Variants in ZNF420 observed in about 807,000 individuals in gnomAD.
The protein encoded by ZNF420 is zinc finger protein 420, also known as ATM and p53-associated KZNF protein.
Under a neutral mutation model 44.7 loss-of-function variants are expected in ZNF420, and 31 were observed. The ratio of observed to expected loss-of-function variants is 0.69; its 90% confidence interval spans 0.52 to 0.94. The LOEUF (loss-of-function observed/expected upper bound fraction) is 0.94, where lower values mean the gene tolerates loss of function less well. ZNF420 is among the 40% of genes least tolerant of loss of function. The pLI is 0.00. For synonymous variants in ZNF420, 245 were observed against 267.4 expected, an observed-to-expected ratio of 0.92 and a Z score of 0.82; for missense variants, 681 against 827.9, an observed-to-expected ratio of 0.82 and a Z score of 2.18.
intron 1 of ZNF420, among the ~76,000 whole-genome samples, chr19:37,065,834 C>T (rs1967959027): frequency 6.6e-6 from 1 of 152,232 alleles, no homozygotes; most frequent in Non-Finnish European, 1.5e-5. Context: ...AAGACCTCCA[C>T]TGTTGAAAAT....
In ZNF420 at chr19:37,129,011, A is replaced by G. The variant is rs367869207; in HGVS notation, c.2020A>G (p.Lys674Glu). ...TATCAGTGAGAAATCTTTTGAATAT[A>G]AGGAATGTGGGATTGACTTTAGTCA... ...IHISEKSFEY[K>E]ECGIDFSHGS... The change falls in exon 5 of 5, where the codon AAG (lysine) becomes GAG (glutamate). Residue 674 changes from lysine to glutamate, a missense_variant. Physicochemically the swap from Lys to Glu is moderately conservative, Grantham distance 56. Around this residue, in one of 3 missense-constraint regions of ZNF420, gnomAD observed 280 missense variants for 338.6 expected, o/e 0.83. Coordinates refer to ENST00000337995, the MANE Select transcript of ZNF420 (RefSeq NM_144689.5). 9.9e-6 allele frequency: 16 copies of G among 1,613,730 alleles called. No individual in the cohort carries two copies. In the African/African-American group the frequency reaches 2.0e-4, roughly 20 times the overall value.
At chr19:37,032,190 A>G (rs948890976) in intron 1 of ZNF420, among the ~76,000 whole-genome samples, 3 of 152,144 alleles carry the variant, frequency 2.0e-5, no homozygotes, top group East Asian at 1.9e-4. Flanking sequence ...TAAAAATACA[A>G]TTAGCCTGGC....
chr19:37,030,474 T>C (rs957789795), intron 1 of ZNF420, among the ~76,000 whole-genome samples: 6 of 152,218 alleles, frequency 3.9e-5, no homozygotes, highest in African/African-American at 1.4e-4. Context: ...TATTTCTTTA[T>C]ATGTGAAAAT....
At chr19:37,109,198 C>T (rs1476319344) in intron 4 of ZNF420, among the ~76,000 whole-genome samples, 2 of 152,112 alleles carry the variant, frequency 1.3e-5, no homozygotes, top group Non-Finnish European at 2.9e-5. Context: ...AAATATTTAT[C>T]GTCATTCCTT....
chr19:37,130,089 T>C lies in ZNF420; in HGVS notation c.*1031T>C. The C allele has an allele frequency of 6.4e-7, 1 of 1,550,458 alleles. No homozygotes were observed. Among genetic ancestry groups the C allele is most frequent in the Non-Finnish European group, 8.7e-7 (1 of 1,146,924 alleles). On this transcript the variant is annotated 3_prime_UTR_variant, in exon 5 of 5. Transcript: ENST00000337995. The stretch of plus-strand genomic sequence containing the variant: ...GTGATATTTATATGAGTAGGAGATT[T>C]ACGAAATCCATTTTTCCTGTCTTTT...
At chr19:37,101,009 T>A (rs1303859979) in intron 4 of ZNF420, among the ~76,000 whole-genome samples, 2 of 132,410 alleles carry the variant, frequency 1.5e-5, no homozygotes, top group African/African-American at 2.9e-5. Context: ...TTTTTTTTTT[T>A]TGCTATCTAT....
chr19:37,101,238 TA>T (rs1159702422), intron 4 of ZNF420, among the ~76,000 whole-genome samples: 1 of 152,192 alleles, frequency 6.6e-6, no homozygotes, highest in African/African-American at 2.4e-5. Flanking sequence ...CTCACGCCTG[TA>T]ATCCCAGCAC....
At chr19:37,069,403 T>C (rs1968020177) in intron 1 of ZNF420, among the ~76,000 whole-genome samples, 1 of 152,118 alleles carries the variant, frequency 6.6e-6, no homozygotes, top group Non-Finnish European at 1.5e-5. Context: ...ATGATGAGAT[T>C]ACTACTTAAT....
intron 4 of ZNF420, among the ~76,000 whole-genome samples, chr19:37,117,324 G>A (rs1173149311): frequency 6.7e-6 from 1 of 149,820 alleles, no homozygotes; most frequent in Non-Finnish European, 1.5e-5. Context: ...AGCCACCGCT[G>A]TTCTGCAGCC....
At chr19:37,049,967 T>C (rs1967609689) in intron 1 of ZNF420, among the ~76,000 whole-genome samples, 1 of 152,218 alleles carries the variant, frequency 6.6e-6, no homozygotes, top group Non-Finnish European at 1.5e-5. Context: ...ATTTATTAAA[T>C]AGGGAATCCT....
chr19:37,042,755 T>TA (rs1260013258), intron 1 of ZNF420, among the ~76,000 whole-genome samples: 1 of 152,224 alleles, frequency 6.6e-6, no homozygotes, highest in Non-Finnish European at 1.5e-5. Flanking sequence ...TCTTTGCACT[T>TA]ACAACTTGGC....
chr19:37,069,909 C>T (rs1386638103), intron 1 of ZNF420, among the ~76,000 whole-genome samples: 1 of 151,764 alleles, frequency 6.6e-6, no homozygotes, highest in Non-Finnish European at 1.5e-5. Flanking sequence ...AGAATAAATC[C>T]AAGGAAAGTG....
Position 37,010,671 on chromosome 19 carries a change from G to A in ZNF420, c.-125+2589G>A, listed in dbSNP as rs549390428. On this transcript the variant is annotated intron_variant, in intron 1 of 4. Coordinates refer to the ZNF420 transcript ENST00000587029. ...CTGTCTTTGGTGCGCCTCTTGCTGC[G>A]TCTCTGCCTGGGACATGTTGCCGGT... Among the ~76,000 whole-genome samples, 5 of 152,156 alleles carry A rather than the reference G, an allele frequency of 3.3e-5. No homozygotes were observed. In the South Asian group the frequency reaches 6.2e-4, roughly 19 times the overall value.
rs1323993339 is a variant in ZNF420 at position 37,127,496 on chromosome 19, T to C, written c.505T>C (p.Cys169Arg). The C allele has an allele frequency of 1.9e-6, 3 of 1,613,928 alleles. No individual in the cohort carries two copies. Among genetic ancestry groups the C allele is most frequent in the African/African-American group, 2.7e-5 (2 of 74,926 alleles). ...TCATACTGGTGAAAAACCCTATGAA[T>C]GTAAGCAATGCGGGAAGGCCTTTAG... is the stretch of plus-strand genomic sequence containing the variant. ...SIHTGEKPYE[C>R]KQCGKAFSRD... The change falls in exon 5 of 5, where the codon TGT becomes CGT. Residue 169 changes from cysteine to arginine, a missense_variant. Transcript: ENST00000337995.
chr19:37,110,906 A>T (rs1970353588), intron 4 of ZNF420, among the ~76,000 whole-genome samples: 2 of 152,158 alleles, frequency 1.3e-5, no homozygotes, highest in South Asian at 4.1e-4. Context: ...TTGGGTAATG[A>T]TTATCAGTAA....
intron 4 of ZNF420, among the ~76,000 whole-genome samples, chr19:37,102,975 C>A (rs980652144): frequency 2.3e-5 from 3 of 127,856 alleles, no homozygotes; most frequent in Non-Finnish European, 4.9e-5. Flanking sequence ...TTCTACGTTT[C>A]TAATTTACTC....
intron 4 of ZNF420, among the ~76,000 whole-genome samples, chr19:37,117,054 C>G (rs1254420722): frequency 6.6e-6 from 1 of 152,216 alleles, no homozygotes; most frequent in Non-Finnish European, 1.5e-5. Context: ...AAAAAGACAG[C>G]AGTAACCTGT....
chr19:37,087,290 A>AAT (rs1555756784), intron 2 of ZNF420, among the ~76,000 whole-genome samples: 1 of 83,480 alleles, frequency 1.2e-5, no homozygotes, highest in Non-Finnish European at 2.4e-5. Flanking sequence ...CTCAAAAAAA[A>AAT]AAATAAATAA....
At chr19:37,022,702 T>C (rs764648420) in intron 1 of ZNF420, among the ~76,000 whole-genome samples, 2 of 152,336 alleles carry the variant, frequency 1.3e-5, no homozygotes, top group Admixed American at 6.5e-5. Flanking sequence ...TCCATGTTTT[T>C]TTCATGTATT....
Sources: gnomAD v4.1 joint callset for allele counts (sites outside exome capture counted in the v4.1 genomes callset) on GRCh38, gnomAD v4.1.1 for gene constraint, gnomAD v4.1.1 regional missense constraint, MANE v1.5 for transcripts, NCBI Gene and HGNC (gene_info 2026-07-23, HGNC 2026-07-21) for gene names.